The following WWOX variants were observed in gnomAD, a reference collection of about 807,000 sequenced individuals.
WWOX encodes WW domain-containing oxidoreductase.
In WWOX, 69 loss-of-function variants were observed where a neutral mutation model predicts 46.2. That is an observed-to-expected ratio of 1.49 (90% confidence interval 1.23 to 1.82). The LOEUF (loss-of-function observed/expected upper bound fraction) is 1.82. Among genes scored for constraint, WWOX ranks in the 40% most tolerant of loss-of-function variants. The probability of loss-of-function intolerance (pLI) is 0.00; values close to 1 mark genes in which losing one functional copy is unlikely to be tolerated. For missense variants in WWOX, 919 were observed against 542.6 expected (o/e 1.69, Z -6.89); for synonymous variants, 359 against 202.6 (o/e 1.77, Z -6.56).
rs550551021 is a variant in WWOX, at chr16:78,561,555, A to G, written c.1056+128803A>G. 1.1e-3 allele frequency among the ~76,000 whole-genome samples: 172 copies of G among 152,236 alleles called. 1 individual carries two copies. The highest frequency in any genetic ancestry group is 3.5e-3 in the South Asian group (17 of 4,818). ...CATGGACCGGGAATCCGGGAGGCCAATTTAGAATTTTATGTATCAAAGCCC... is the reference window on the plus strand; with the variant it reads ...CATGGACCGGGAATCCGGGAGGCCAGTTTAGAATTTTATGTATCAAAGCCC... On this transcript the variant is annotated intron_variant, in intron 8 of 8. Coordinates refer to ENST00000566780, the MANE Select transcript of WWOX (RefSeq NM_016373.4).
intron 8 of WWOX, among the ~76,000 whole-genome samples, chr16:78,497,319 A>G (rs1048430348): frequency 6.6e-6 from 1 of 152,248 alleles, no homozygotes; most frequent in African/African-American, 2.4e-5. Flanking sequence ...AAATCAACTC[A>G]AAGTGGATTG....
chr16:79,115,100 C>T (rs1334994913), intron 8 of WWOX, among the ~76,000 whole-genome samples: 5 of 152,150 alleles, frequency 3.3e-5, no homozygotes, highest in African/African-American at 4.8e-5. Flanking sequence ...TCAATGCTGC[C>T]GCCTCCCACC....
At chr16:78,422,798 T>C (rs1321003240) in intron 6 of WWOX, among the ~76,000 whole-genome samples, 4 of 123,298 alleles carry the variant, frequency 3.2e-5, no homozygotes, top group Admixed American at 8.0e-5. Context: ...CACACACATA[T>C]ATATACACAC....
chr16:78,643,338 A>G (rs527869751), intron 8 of WWOX, among the ~76,000 whole-genome samples: 17 of 152,346 alleles, frequency 1.1e-4, no homozygotes, highest in Admixed American at 6.5e-5. Flanking sequence ...AGGTTTTATT[A>G]GTAATGAAAC....
chr16:79,202,447 G>C (rs981644245), intron 8 of WWOX, among the ~76,000 whole-genome samples: 1 of 152,154 alleles, frequency 6.6e-6, no homozygotes, highest in Non-Finnish European at 1.5e-5. Flanking sequence ...AACCTACCTT[G>C]TGATTCTAGA....
intron 8 of WWOX, among the ~76,000 whole-genome samples, chr16:78,665,169 AG>A (rs2047301972): frequency 6.6e-6 from 1 of 152,122 alleles, no homozygotes; most frequent in Admixed American, 6.6e-5. Context: ...TTCCTGGAGT[AG>A]GGAGCTGTGA....
At chr16:78,608,488 C>G (rs922733153) in intron 8 of WWOX, among the ~76,000 whole-genome samples, 1 of 152,168 alleles carries the variant, frequency 6.6e-6, no homozygotes, top group Admixed American at 6.5e-5. Context: ...CAGTGTTTTC[C>G]CTTTCAGCAG....
chr16:78,651,208 A>G (rs944661490), intron 8 of WWOX, among the ~76,000 whole-genome samples: 2 of 152,248 alleles, frequency 1.3e-5, no homozygotes, highest in Non-Finnish European at 2.9e-5. Context: ...TCTTTACTTA[A>G]TCTGCCCTCT....
At chr16:78,637,829 G>C (rs1484729774) in intron 8 of WWOX, among the ~76,000 whole-genome samples, 1 of 152,176 alleles carries the variant, frequency 6.6e-6, no homozygotes, top group Admixed American at 6.5e-5. Flanking sequence ...GGCCTATTGT[G>C]TTGTGTGTGT....
chr16:79,023,081 T>C (rs1044430606), intron 8 of WWOX, among the ~76,000 whole-genome samples: 3 of 151,908 alleles, frequency 2.0e-5, no homozygotes, highest in African/African-American at 7.3e-5. Context: ...AACCACAATA[T>C]AGCAACAGCA....
At chr16:78,961,811 A>C (rs1036577637) in intron 8 of WWOX, among the ~76,000 whole-genome samples, 2 of 152,160 alleles carry the variant, frequency 1.3e-5, no homozygotes, top group African/African-American at 4.8e-5. Context: ...TGCTGTCCTG[A>C]ATCTTAATGC....
chr16:78,655,151 G>C (rs558420413), intron 8 of WWOX, among the ~76,000 whole-genome samples: 1 of 152,022 alleles, frequency 6.6e-6, no homozygotes, highest in African/African-American at 2.4e-5. Context: ...TCGGGGACTC[G>C]CTGTGGCCAT....
At chr16:79,006,134 A>G (rs538310978) in intron 8 of WWOX, among the ~76,000 whole-genome samples, 45 of 152,342 alleles carry the variant, frequency 3.0e-4, no homozygotes, top group African/African-American at 1.1e-3. Flanking sequence ...GGCTGGCAAC[A>G]AAGACAATGA....
chr16:78,869,086 C>G (rs1597084352), intron 8 of WWOX, among the ~76,000 whole-genome samples: 1 of 152,094 alleles, frequency 6.6e-6, no homozygotes, highest in Admixed American at 6.5e-5. Flanking sequence ...TGTTTATTTA[C>G]ATTAGTTTTG....
At chr16:79,190,172 G>A (rs2051105614) in intron 8 of WWOX, among the ~76,000 whole-genome samples, 1 of 151,948 alleles carries the variant, frequency 6.6e-6, no homozygotes, top group African/African-American at 2.4e-5. Flanking sequence ...TTTTAGGTGT[G>A]CAACACCACG....
chr16:78,879,068 G>C (rs191148237), intron 8 of WWOX, among the ~76,000 whole-genome samples: 1,753 of 152,098 alleles, frequency 0.012, 23 homozygotes, highest in Middle Eastern at 0.024. Flanking sequence ...GAGGAAAGGA[G>C]GAAGGGAGGG....
intron 8 of WWOX, among the ~76,000 whole-genome samples, chr16:78,922,783 A>C (rs974401444): frequency 6.6e-6 from 1 of 152,186 alleles, no homozygotes; most frequent in Admixed American, 6.5e-5. Flanking sequence ...TCAAACCATA[A>C]AGCTCAGGAG....
intron 8 of WWOX, among the ~76,000 whole-genome samples, chr16:78,860,356 T>C (rs1021152882): frequency 2.6e-5 from 4 of 152,202 alleles, no homozygotes; most frequent in African/African-American, 9.6e-5. Context: ...CCTTTGGATA[T>C]AACGTCTGTT....
chr16:78,870,724 C>T (rs1195145862), intron 8 of WWOX, among the ~76,000 whole-genome samples: 4 of 152,136 alleles, frequency 2.6e-5, no homozygotes, highest in Admixed American at 1.3e-4. Context: ...GCCTCAGTCT[C>T]CCAAGTAGCT....
Sources: gnomAD v4.1 joint callset for allele counts (sites outside exome capture counted in the v4.1 genomes callset) on GRCh38, gnomAD v4.1.1 for gene constraint, MANE v1.5 for transcripts, NCBI Gene and HGNC (gene_info 2026-07-23, HGNC 2026-07-21) for gene names.